Variants in CNTNAP2 observed in about 807,000 individuals in gnomAD.
CNTNAP2 encodes contactin-associated protein-like 2.
CNTNAP2 carries 98 observed loss-of-function variants against 155.2 expected under a neutral mutation model. The ratio of observed to expected loss-of-function variants is 0.63; its 90% CI spans 0.54 to 0.75. The LOEUF (loss-of-function observed/expected upper bound fraction) is 0.75, where lower values mean the gene tolerates loss of function less well. CNTNAP2 is among the 30% of genes least tolerant of loss of function. CNTNAP2 has a pLI of 0.00. For missense variants in CNTNAP2, 1,727 were observed against 1,688.1 expected (o/e 1.02, Z -0.40); for synonymous variants, 651 against 631.2 (o/e 1.03, Z -0.47).
At position 147,529,012 on chromosome 7, in the gene CNTNAP2, T is replaced by TA. The variant is rs538570878; in HGVS notation, c.1778-33120dup. Among the ~76,000 whole-genome samples the TA allele has an allele frequency of 2.0e-3, 307 of 152,258 alleles. 1 individual carries two copies. The highest frequency in any genetic ancestry group is 7.3e-3 in the African/African-American group (303 of 41,554). ...TAATCATGGCAAGTGGAATAATGTG[T>TA]AAAAAAGTTATGCTAATCATAAAAT... On this transcript the variant is annotated intron_variant, in intron 11 of 23. Transcript: ENST00000361727.
intron 1 of CNTNAP2, among the ~76,000 whole-genome samples, chr7:146,599,760 A>AGATAGATAGAT (rs1563151198): frequency 2.0e-5 from 3 of 151,552 alleles, no homozygotes; most frequent in Admixed American, 6.6e-5. Flanking sequence ...ATAGATAGAT[A>AGATAGATAGAT]GATAGATAGA....
chr7:146,689,443 A>C (rs564414175), intron 1 of CNTNAP2, among the ~76,000 whole-genome samples: 1 of 152,242 alleles, frequency 6.6e-6, no homozygotes, highest in South Asian at 2.1e-4. Context: ...AAAGGAAAAA[A>C]AAAATTGAGG....
intron 14 of CNTNAP2, among the ~76,000 whole-genome samples, chr7:147,975,961 G>C (rs902335082): frequency 1.6e-4 from 25 of 152,202 alleles, no homozygotes; most frequent in African/African-American, 4.8e-4. Flanking sequence ...TTAGACTTTG[G>C]GGGGGTCTTA....
intron 1 of CNTNAP2, among the ~76,000 whole-genome samples, chr7:146,216,417 T>G (rs1799114026): frequency 1.3e-5 from 2 of 152,244 alleles, no homozygotes; most frequent in Non-Finnish European, 2.9e-5. Context: ...GGTTTTATAT[T>G]TGATGGAACC....
intron 1 of CNTNAP2, among the ~76,000 whole-genome samples, chr7:146,660,540 C>G (rs188955499): frequency 6.6e-6 from 1 of 152,280 alleles, no homozygotes; most frequent in Admixed American, 6.5e-5. Flanking sequence ...TAACAGCTAT[C>G]TCAATAAATA....
At chr7:148,300,261 C>T (rs371533498) in intron 21 of CNTNAP2, among the ~76,000 whole-genome samples, 1 of 152,126 alleles carries the variant, frequency 6.6e-6, no homozygotes, top group South Asian at 2.1e-4. Flanking sequence ...AAGGGACAAC[C>T]TTATGTTAGA....
chr7:147,545,924 T>C (rs976007286), intron 11 of CNTNAP2, among the ~76,000 whole-genome samples: 4 of 152,122 alleles, frequency 2.6e-5, no homozygotes, highest in African/African-American at 7.2e-5. Context: ...CAAGATCTGA[T>C]GGTTTTATAA....
chr7:146,963,048 C>G (rs1156614819), intron 3 of CNTNAP2: 1 of 152,184 alleles, frequency 6.6e-6, no homozygotes, highest in Admixed American at 6.5e-5. Context: ...TGTGCCTATG[C>G]AAGGTGATCC....
chr7:147,697,704 C>T (rs1370430911), intron 13 of CNTNAP2, among the ~76,000 whole-genome samples: 1 of 152,150 alleles, frequency 6.6e-6, no homozygotes, highest in Admixed American at 6.5e-5. Context: ...CACAGCTGTG[C>T]ATTTCCCCTC....
intron 1 of CNTNAP2, among the ~76,000 whole-genome samples, chr7:146,427,344 T>G (rs1337737304): frequency 1.3e-5 from 2 of 152,178 alleles, no homozygotes; most frequent in African/African-American, 4.8e-5. Flanking sequence ...TCAATCTCTG[T>G]CGCAACTCAA....
chr7:147,021,282 A>G (rs1798813613), intron 3 of CNTNAP2, among the ~76,000 whole-genome samples: 1 of 152,142 alleles, frequency 6.6e-6, no homozygotes, highest in Non-Finnish European at 1.5e-5. Context: ...CAATGGGCCC[A>G]GGGAAGCCAA....
chr7:147,675,840 C>T (rs535240996), intron 13 of CNTNAP2, among the ~76,000 whole-genome samples: 2 of 152,044 alleles, frequency 1.3e-5, no homozygotes, highest in African/African-American at 4.8e-5. Flanking sequence ...GAGTGAAAAA[C>T]ATGGATCTGC....
chr7:146,959,765 T>C (rs1369869829), intron 3 of CNTNAP2, among the ~76,000 whole-genome samples: 2 of 150,448 alleles, frequency 1.3e-5, no homozygotes, highest in African/African-American at 4.9e-5. Flanking sequence ...TGCAATCACA[T>C]TTCCAGGCTG....
chr7:147,807,986 T>TAA (rs59556780), intron 13 of CNTNAP2, among the ~76,000 whole-genome samples: 8 of 146,582 alleles, frequency 5.5e-5, no homozygotes, highest in Admixed American at 2.7e-4. Context: ...CTTTCTTTTT[T>TAA]AAAAAAAAAA....
intron 1 of CNTNAP2, among the ~76,000 whole-genome samples, chr7:146,470,709 A>G (rs1358074431): frequency 6.6e-6 from 1 of 152,102 alleles, no homozygotes; most frequent in Non-Finnish European, 1.5e-5. Context: ...AGCTGGGATT[A>G]CAGGTACGCA....
intron 15 of CNTNAP2, among the ~76,000 whole-genome samples, chr7:148,103,710 TC>T (rs1368236486): frequency 2.0e-5 from 3 of 152,218 alleles, no homozygotes; most frequent in African/African-American, 7.2e-5. Flanking sequence ...GTTCTTTTTA[TC>T]CTTAAAATCA....
chr7:147,594,203 T>C (rs1251373398), intron 12 of CNTNAP2, among the ~76,000 whole-genome samples: 1 of 142,450 alleles, frequency 7.0e-6, no homozygotes, highest in East Asian at 2.2e-4. Context: ...CTCGGCTCAC[T>C]GCAATCTCCA....
At chr7:147,445,014 C>A (rs898645336) in intron 10 of CNTNAP2, among the ~76,000 whole-genome samples, 3 of 152,242 alleles carry the variant, frequency 2.0e-5, no homozygotes, top group South Asian at 2.1e-4. Context: ...TGCTTTCAAA[C>A]AACCAGATCT....
At chr7:148,170,924 C>T (rs1241226989) in intron 17 of CNTNAP2, among the ~76,000 whole-genome samples, 2 of 152,152 alleles carry the variant, frequency 1.3e-5, no homozygotes, top group Non-Finnish European at 2.9e-5. Flanking sequence ...TTAAAGACCT[C>T]CAAATCTACA....
Sources: allele counts gnomAD v4.1 joint callset (sites outside exome capture counted in the v4.1 genomes callset), GRCh38; gene constraint gnomAD v4.1.1; transcripts MANE v1.5; gene names NCBI Gene and HGNC (gene_info 2026-07-23, HGNC 2026-07-21).